NTRK3: variants seen among roughly 807,000 people sequenced by gnomAD.
NTRK3 encodes NT-3 growth factor receptor.
A neutral mutation model predicts 91.7 loss-of-function variants in NTRK3; 24 were observed. The ratio of observed to expected loss-of-function variants is 0.26; its 90% CI spans 0.19 to 0.37. The LOEUF is 0.37. Among genes scored for constraint, NTRK3 ranks in the 10% least tolerant of loss-of-function variants. The pLI is 1.00. For synonymous variants in NTRK3, 483 were observed against 404.0 expected, an observed-to-expected ratio of 1.20 and a Z score of -2.34; for missense variants, 880 against 1,068.9, an observed-to-expected ratio of 0.82 and a Z score of 2.46.
intron 17 of NTRK3, among the ~76,000 whole-genome samples, chr15:87,886,156 A>G (rs2065525976): frequency 6.6e-6 from 1 of 152,070 alleles, no homozygotes; most frequent in Non-Finnish European, 1.5e-5. Flanking sequence ...ACTGAAAAAA[A>G]TTGTTGCTAT....
chr15:87,999,494 A>AT (rs1267860442), intron 14 of NTRK3, among the ~76,000 whole-genome samples: 4 of 152,176 alleles, frequency 2.6e-5, no homozygotes, highest in Non-Finnish European at 4.4e-5. Context: ...CACCTCAAAC[A>AT]TTTTTTGCAA....
At chr15:87,908,541 G>A (rs1218579412) in intron 17 of NTRK3, 7 of 399,274 alleles carry the variant, frequency 1.8e-5, no homozygotes, top group Non-Finnish European at 2.7e-5. Flanking sequence ...CACACTGAAC[G>A]GGCCCTTCTG....
At chr15:87,906,859 C>T (rs1050741758) in intron 17 of NTRK3, among the ~76,000 whole-genome samples, 1 of 152,048 alleles carries the variant, frequency 6.6e-6, no homozygotes, top group South Asian at 2.1e-4. Context: ...TCTTAATTTG[C>T]TATATACTTT....
intron 3 of NTRK3, among the ~76,000 whole-genome samples, chr15:88,221,139 ATAAAG>A (rs1403834005): frequency 5.9e-5 from 9 of 152,250 alleles, no homozygotes; most frequent in African/African-American, 2.2e-4. Flanking sequence ...TTTCCTGGTT[ATAAAG>A]TAATACAGAC....
At chr15:88,256,295 C>G (rs1158467469) in exon 2 of NTRK3, 8 of 680,216 alleles carry the variant, frequency 1.2e-5, no homozygotes, top group Middle Eastern at 3.8e-4. Flanking sequence ...TTTGAAACGC[C>G]GAGCGATCAG....
chr15:88,001,627 TGTTGAAAAATCA>T (rs1212745483), intron 14 of NTRK3, among the ~76,000 whole-genome samples: 1 of 152,192 alleles, frequency 6.6e-6, no homozygotes, highest in Non-Finnish European at 1.5e-5. Context: ...TTGGCAACAT[TGTTGAAAAATCA>T]GTTGACCGCA....
intron 17 of NTRK3, among the ~76,000 whole-genome samples, chr15:87,881,489 G>A (rs1392185046): frequency 2.0e-5 from 3 of 150,996 alleles, no homozygotes; most frequent in East Asian, 2.0e-4. Flanking sequence ...GCGCGATCTC[G>A]GCTTACTGCC....
At chr15:87,952,742 C>T (rs998869677) in intron 14 of NTRK3, among the ~76,000 whole-genome samples, 10 of 152,130 alleles carry the variant, frequency 6.6e-5, no homozygotes, top group Non-Finnish European at 8.8e-5. Flanking sequence ...GGAGACTGTC[C>T]GGGAGTCCCG....
At chr15:87,938,241 G>C (rs532717311) in intron 15 of NTRK3, among the ~76,000 whole-genome samples, 1 of 152,272 alleles carries the variant, frequency 6.6e-6, no homozygotes, top group South Asian at 2.1e-4. Context: ...TTCTTTGTTT[G>C]TACCATAGCA....
chr15:88,082,366 T>G (rs1380223215), intron 13 of NTRK3, among the ~76,000 whole-genome samples: 1 of 152,178 alleles, frequency 6.6e-6, no homozygotes, highest in Non-Finnish European at 1.5e-5. Context: ...TTTTTACTTT[T>G]TAATGAACAG....
chr15:87,934,414 G>A (rs1447533878), intron 15 of NTRK3, among the ~76,000 whole-genome samples: 1 of 152,176 alleles, frequency 6.6e-6, no homozygotes, highest in Non-Finnish European at 1.5e-5. Flanking sequence ...CATTCTCTCT[G>A]CTAGGCATCT....
chr15:88,201,971 T>G (rs2048338558), intron 3 of NTRK3, among the ~76,000 whole-genome samples: 1 of 152,096 alleles, frequency 6.6e-6, no homozygotes, highest in Non-Finnish European at 1.5e-5. Flanking sequence ...CCTCATTTCT[T>G]TGTCATAGAT....
intron 14 of NTRK3, among the ~76,000 whole-genome samples, chr15:87,964,247 G>A (rs1444459861): frequency 2.0e-5 from 3 of 151,988 alleles, no homozygotes; most frequent in African/African-American, 7.2e-5. Context: ...GGAACAACTT[G>A]CCAATGAGGA....
chr15:87,957,600 G>C (rs1596401192), intron 14 of NTRK3, among the ~76,000 whole-genome samples: 1 of 151,260 alleles, frequency 6.6e-6, no homozygotes, highest in African/African-American at 2.4e-5. Context: ...TTGGAAAATA[G>C]AGTGGCTACA....
chr15:88,242,023 A>G (rs1220809719), intron 3 of NTRK3, among the ~76,000 whole-genome samples: 6 of 151,938 alleles, frequency 3.9e-5, no homozygotes, highest in Non-Finnish European at 8.8e-5. Context: ...TCTCCAATAA[A>G]CCCACGTTGG....
Position 88,060,590 on chromosome 15 carries a change from G to A in NTRK3, c.1397-27545C>T, listed in dbSNP as rs139855456. Among the ~76,000 whole-genome samples, 585 of 152,158 alleles carry A rather than the reference G, an allele frequency of 3.8e-3. 2 individuals carry two copies. The highest frequency in any genetic ancestry group is 4.5e-3 in the Non-Finnish European group (305 of 68,008). ...TAGAGAGGCAGCCCCAAGCCAGGCC[G>A]TGCATGACCATGGGGACCATCCAGA... On this transcript the variant is annotated intron_variant, in intron 13 of 18. Transcript: ENST00000394480.
At chr15:87,961,430 G>A (rs1458724019) in intron 14 of NTRK3, among the ~76,000 whole-genome samples, 1 of 152,266 alleles carries the variant, frequency 6.6e-6, no homozygotes, top group East Asian at 1.9e-4. Flanking sequence ...TCCTTCTAGG[G>A]AGATTTTTTA....
At chr15:88,183,355 G>C (rs55725904) in intron 5 of NTRK3, 63 bp downstream of exon 5, 5 of 1,558,694 alleles carry the variant, frequency 3.2e-6, no homozygotes, top group African/African-American at 1.4e-5. Context: ...TCAGGTCTCC[G>C]GTTTCACTGC....
intron 14 of NTRK3, among the ~76,000 whole-genome samples, chr15:88,018,558 C>T (rs993761893): frequency 7.2e-5 from 11 of 152,128 alleles, no homozygotes; most frequent in African/African-American, 2.4e-4. Flanking sequence ...ACTACACTTA[C>T]ATTAAAGCTT....
Sources: gnomAD v4.1 joint callset for allele counts (sites outside exome capture counted in the v4.1 genomes callset) on GRCh38, gnomAD v4.1.1 for gene constraint, MANE v1.5 for transcripts, NCBI Gene and HGNC (gene_info 2026-07-23, HGNC 2026-07-21) for gene names.